The following ZNF236 variants were observed in gnomAD, a reference collection of about 807,000 sequenced individuals.
ZNF236 encodes the protein zinc finger protein 236.
In ZNF236, 50 loss-of-function variants were observed where a neutral mutation model predicts 191.2. The ratio of observed to expected loss-of-function variants is 0.26; its 90% CI spans 0.21 to 0.33. The LOEUF (loss-of-function observed/expected upper bound fraction) is 0.33. Ranked by LOEUF, ZNF236 falls within the 10% of genes least tolerant of loss-of-function variation. ZNF236 has a pLI of 1.00. For synonymous variants in ZNF236, 907 were observed against 928.8 expected, an observed-to-expected ratio of 0.98 and a Z score of 0.43; for missense variants, 1,754 against 2,374.5, an observed-to-expected ratio of 0.74 and a Z score of 5.43.
At chr18:76,827,710 A>C (rs1248834888) in intron 1 of ZNF236, among the ~76,000 whole-genome samples, 1 of 152,238 alleles carries the variant, frequency 6.6e-6, no homozygotes, top group Non-Finnish European at 1.5e-5. Context: ...TATTTGTTGA[A>C]GTAGTCAGGA....
chr18:76,912,901 C>T (rs1323716825), intron 17 of ZNF236, among the ~76,000 whole-genome samples: 1 of 152,262 alleles, frequency 6.6e-6, no homozygotes, highest in Non-Finnish European at 1.5e-5. Flanking sequence ...GATCCACCTG[C>T]ATCGGCCTCC....
chr18:76,956,331 G>A, intron 28 of ZNF236, 149 bp downstream of exon 28: 1 of 912,446 alleles, frequency 1.1e-6, no homozygotes. Flanking sequence ...TAGATGTATT[G>A]TTCCGGTTGT....
rs1282119404 is a variant in ZNF236, at chr18:76,955,868, T to A, written c.4915-117T>A. Reference sequence around the variant, plus strand: ...TATCCTGATGATAGGACATGCAGTGTGGGCTTGGCGTGTCCGTGCTAGGAA... The same window carrying A: ...TATCCTGATGATAGGACATGCAGTGAGGGCTTGGCGTGTCCGTGCTAGGAA... On this transcript the variant is annotated intron_variant, in intron 27 of 30. Transcript: ENST00000320610. The A allele has an allele frequency of 8.8e-6, 10 of 1,134,166 alleles. No homozygotes were observed. The African/African-American group carries it at 1.2e-4, about 14-fold the overall frequency. The allele number at this position is 1,134,166 out of a possible 1,614,324, so 70.3% of individuals were successfully genotyped here.
intron 9 of ZNF236, among the ~76,000 whole-genome samples, chr18:76,892,371 A>G (rs1353275684): frequency 2.6e-5 from 4 of 151,706 alleles, no homozygotes; most frequent in Admixed American, 6.6e-5. Context: ...ATCACAATAA[A>G]TTAATGGCAG....
At position 76,968,785 on chromosome 18, in the gene ZNF236, GA is replaced by G. The variant is rs915205140; in HGVS notation, c.*454del. The G allele has an allele frequency of 4.0e-6, 4 of 988,736 alleles. No individual in the cohort carries two copies. Among genetic ancestry groups the G allele is most frequent in the South Asian group, 4.6e-5 (1 of 21,662 alleles). The allele number at this position is 988,736 out of a possible 1,614,324, so 61.2% of individuals were successfully genotyped here. The stretch of plus-strand genomic sequence containing the variant: ...GCGTAAGATTGAGGCATGAAGTTCA[GA>G]AAAAAAAGTGTTACAACACACAGGG... On this transcript the variant is annotated 3_prime_UTR_variant, in exon 31 of 31. Coordinates refer to ENST00000320610, the MANE Select transcript of ZNF236 (RefSeq NM_001306089.2).
rs537474323 is a variant in ZNF236 at position 76,889,383 on chromosome 18, C to T, written c.1418-5630C>T. Among the ~76,000 whole-genome samples the T allele has an allele frequency of 2.6e-5, 4 of 152,314 alleles. No homozygotes were observed. The East Asian group carries it at 5.8e-4, about 22-fold the overall frequency. ...ACATGCTTGGTTACACTGCCCTACC[C>T]GCTTCTCCCCTAGACCACAGTCCTT... On this transcript the variant is annotated intron_variant, in intron 9 of 30. Transcript: ENST00000320610.
chr18:76,886,152 T>A (rs970259018), intron 9 of ZNF236: 2 of 152,244 alleles, frequency 1.3e-5, no homozygotes, highest in African/African-American at 4.8e-5. Flanking sequence ...AGTTGATTAT[T>A]GTTCTTCAGT....
At position 76,880,453 on chromosome 18, in the gene ZNF236, A is replaced by G; in HGVS notation, c.1188+137A>G. ...TGAAAAATGTGCCTGAACCGAAAGA[A>G]ATTAATATGCCTACTTAATTGCTTA... On this transcript the variant is annotated intron_variant, in intron 8 of 30. Coordinates refer to ENST00000320610, the MANE Select transcript of ZNF236 (RefSeq NM_001306089.2). The surrounding 1 kb of genome is among the most constrained non-coding windows in gnomAD (Gnocchi z 5.0). 1.2e-6 allele frequency: 1 copy of G among 832,892 alleles called. No individual in the cohort carries two copies. The highest frequency in any genetic ancestry group is 2.9e-5 in the East Asian group (1 of 34,988). The allele number at this position is 832,892 out of a possible 1,614,324, so 51.6% of individuals were successfully genotyped here.
In ZNF236 at chr18:76,883,436, T is replaced by A. The variant is rs138887744; in HGVS notation, c.1417+1924T>A. ...GAGAAAACCATTGGGGATTTTTATT[T>A]TTTTTGAGACTGGGTCTTGCTGTGT... is the stretch of plus-strand genomic sequence containing the variant. On this transcript the variant is annotated intron_variant, in intron 9 of 30. Transcript: ENST00000320610. Among the ~76,000 whole-genome samples the A allele has an allele frequency of 8.2e-3, 1,247 of 151,740 alleles. 23 individuals carry two copies. The highest frequency in any genetic ancestry group is 0.026 in the African/African-American group (1,086 of 41,238).
Position 76,849,661 on chromosome 18 carries a change from A to G in ZNF236, c.191A>G (p.Asn64Ser). 1 of 1,579,526 alleles carries G rather than the reference A, an allele frequency of 6.3e-7. No individual in the cohort carries two copies. The highest frequency in any genetic ancestry group is 1.9e-5 in the Admixed American group (1 of 52,126). ...CGCCACATGAGGGATCACGAGCGAAATGACAAGGTATGTATTTTCAAAGGT... is the reference window on the plus strand; with the variant it reads ...CGCCACATGAGGGATCACGAGCGAAGTGACAAGGTATGTATTTTCAAAGGT... ...FQRHMRDHER[N>S]DKPHRCDQCP... is the part of the protein sequence containing the mutation. Residue 64 changes from asparagine (N) to serine (S), a missense_variant, in exon 2 of 31, where the codon AAT becomes AGT. Coordinates refer to ENST00000320610, the MANE Select transcript of ZNF236 (RefSeq NM_001306089.2).
intron 9 of ZNF236, among the ~76,000 whole-genome samples, chr18:76,889,454 G>T (rs545947497): frequency 6.6e-6 from 1 of 152,168 alleles, no homozygotes; most frequent in Non-Finnish European, 1.5e-5. Context: ...CTTGGCACTT[G>T]TCATGCTGTG....
At chr18:76,892,132 CTT>C (rs372766199) in intron 9 of ZNF236, among the ~76,000 whole-genome samples, 2 of 58,556 alleles carry the variant, frequency 3.4e-5, no homozygotes, top group African/African-American at 6.5e-5. Flanking sequence ...ATTAATTTAT[CTT>C]TTTTTTTTTT....
At chr18:76,937,079 GCATCGCTCTCCCTATGCCCTTA>G (rs1245027418) in intron 25 of ZNF236, 55 bp from the exon 26 acceptor site, 1 of 1,370,946 alleles carries the variant, frequency 7.3e-7, no homozygotes, top group African/African-American at 1.4e-5. Flanking sequence ...GCAGGTGGGA[GCATCGCTCTCCCTATGCCCTTA>G]CACCTGGACT....
Position 76,875,409 on chromosome 18 carries a change from G to A in ZNF236, c.668-83G>A. 3 of 1,326,572 alleles carry A rather than the reference G, an allele frequency of 2.3e-6. No homozygotes were observed. Among genetic ancestry groups the A allele is most frequent in the South Asian group, 4.3e-5 (2 of 46,974 alleles). The allele number at this position is 1,326,572 out of a possible 1,614,324, so 82.2% of individuals were successfully genotyped here. On this transcript the variant is annotated intron_variant, in intron 5 of 30. Coordinates refer to ENST00000320610, the MANE Select transcript of ZNF236 (RefSeq NM_001306089.2). This position sits in a 1 kb window ranked among gnomAD's most constrained non-coding sequence, Gnocchi z 4.3. ...ATTTTGGCTGGAGGGATAGGTTTGG[G>A]TAACTTCAGTGTTGTTCTTTTCAAT...
chr18:76,925,101 T>C lies in ZNF236; in HGVS notation c.3662-88T>C, dbSNP rs1472981074. On this transcript the variant is annotated intron_variant, in intron 21 of 30. Coordinates refer to ENST00000320610, the MANE Select transcript of ZNF236 (RefSeq NM_001306089.2). This position sits in a 1 kb window ranked among gnomAD's most constrained non-coding sequence, Gnocchi z 5.7. ...TACTTCCATCCACTGATTCAACATA[T>C]TTACATCCATAGTGACAGCTGAGTG... 2.0e-6 allele frequency: 3 copies of C among 1,531,704 alleles called. No individual in the cohort carries two copies. In the African/African-American group the frequency reaches 4.2e-5, roughly 21 times the overall value. The allele number at this position is 1,531,704 out of a possible 1,614,324, so 94.9% of individuals were successfully genotyped here.
Position 76,895,142 on chromosome 18 carries a change from A to G in ZNF236, c.1547A>G (p.Gln516Arg). The G allele has an allele frequency of 1.2e-6, 2 of 1,610,304 alleles. No individual in the cohort carries two copies. Among genetic ancestry groups the G allele is most frequent in the Non-Finnish European group, 1.7e-6 (2 of 1,180,008 alleles). Residue 516 changes from glutamine (Q) to arginine (R), a missense_variant, in exon 10 of 31, where the codon CAG becomes CGG. By Grantham distance (43) the Gln-to-Arg change is conservative. This residue lies in a region of ZNF236 where 641 missense variants were observed against 869.6 expected (regional missense o/e 0.74). Coordinates refer to ENST00000320610, the MANE Select transcript of ZNF236 (RefSeq NM_001306089.2). ...CACGAGAAGCCCTTCAAGTGCCCGC[A>G]GTGCTTCCGCGCCTTCGCCGTGAAG... Reference protein sequence around the residue: ...HTHEKPFKCPQCFRAFAVKST... With the variant: ...HTHEKPFKCPRCFRAFAVKST...
intron 27 of ZNF236, among the ~76,000 whole-genome samples, chr18:76,954,161 C>G (rs192066581): frequency 8.5e-5 from 13 of 152,174 alleles, no homozygotes; most frequent in Admixed American, 7.9e-4. Flanking sequence ...AGATTTGTTT[C>G]ACAGTAGTAG....
rs902199236 is a variant in ZNF236, at chr18:76,960,272, C to T, written c.5243-407C>T. 1.3e-5 allele frequency among the ~76,000 whole-genome samples: 2 copies of T among 152,226 alleles called. No individual in the cohort carries two copies. Among genetic ancestry groups the T allele is most frequent in the African/African-American group, 2.4e-5 (1 of 41,460 alleles). On this transcript the variant is annotated intron_variant, in intron 29 of 30. Coordinates refer to ENST00000320610, the MANE Select transcript of ZNF236 (RefSeq NM_001306089.2). The surrounding 1 kb of genome is among the most constrained non-coding windows in gnomAD (Gnocchi z 4.4). ...TTTTGTCTTAGAGAAAAAAAACACA[C>T]GGAACAAAGAAACAAGCTCTTCCAT...
At chr18:76,893,247 A>C (rs1241185613) in intron 9 of ZNF236, among the ~76,000 whole-genome samples, 1 of 152,024 alleles carries the variant, frequency 6.6e-6, no homozygotes, top group Non-Finnish European at 1.5e-5. Flanking sequence ...TGCATTTTTG[A>C]TTTGTCATGA....
Sources: gnomAD v4.1 joint callset for allele counts (sites outside exome capture counted in the v4.1 genomes callset) on GRCh38, gnomAD v4.1.1 for gene constraint, gnomAD v4.1.1 regional missense constraint, Gnocchi (gnomAD v3.1) non-coding constraint, MANE v1.5 for transcripts, NCBI Gene and HGNC (gene_info 2026-07-23, HGNC 2026-07-21) for gene names.